Variants in FBXL7 observed in about 807,000 individuals in gnomAD.
FBXL7 encodes the protein F-box/LRR-repeat protein 7.
Under a neutral mutation model 38.3 loss-of-function variants are expected in FBXL7, and 12 were observed. That is an observed-to-expected ratio of 0.31 (90% CI 0.20 to 0.51). The LOEUF (loss-of-function observed/expected upper bound fraction) is 0.51. Among genes scored for constraint, FBXL7 ranks in the 20% least tolerant of loss-of-function variants. The pLI, the probability that FBXL7 is intolerant of heterozygous loss-of-function variation, is 0.98. For missense variants in FBXL7, 567 were observed against 676.4 expected (o/e 0.84, Z 1.79); for synonymous variants, 297 against 300.9 (o/e 0.99, Z 0.13).
chr5:15,568,283 G>C (rs1393072237), intron 1 of FBXL7, among the ~76,000 whole-genome samples: 2 of 152,012 alleles, frequency 1.3e-5, no homozygotes, highest in African/African-American at 2.4e-5. Flanking sequence ...TTTAATGATC[G>C]CCATTCTAAC....
intron 2 of FBXL7, among the ~76,000 whole-genome samples, chr5:15,628,459 A>G (rs1740889463): frequency 6.6e-6 from 1 of 152,164 alleles, no homozygotes; most frequent in African/African-American, 2.4e-5. Flanking sequence ...ATCTTTAGTC[A>G]AGTCTATGAA....
intron 2 of FBXL7, among the ~76,000 whole-genome samples, chr5:15,645,077 ATTTCC>A (rs1741488790): frequency 6.6e-6 from 1 of 152,164 alleles, no homozygotes; most frequent in Non-Finnish European, 1.5e-5. Flanking sequence ...ATCTGGACAC[ATTTCC>A]TTATGTGGAA....
chr5:15,881,664 TTTCTC>T, intron 2 of FBXL7, among the ~76,000 whole-genome samples: 1 of 152,270 alleles, frequency 6.6e-6, no homozygotes, highest in South Asian at 2.1e-4. Flanking sequence ...AGTGTTCCCT[TTTCTC>T]TTACCCACCA....
intron 1 of FBXL7, among the ~76,000 whole-genome samples, chr5:15,599,022 G>A (rs146037240): frequency 2.3e-3 from 350 of 152,278 alleles, no homozygotes; most frequent in African/African-American, 7.8e-3. Flanking sequence ...GAGGTACTCT[G>A]TAGCTGCCAT....
intron 2 of FBXL7, among the ~76,000 whole-genome samples, chr5:15,859,734 T>C (rs914390738): frequency 6.6e-6 from 1 of 152,050 alleles, no homozygotes; most frequent in African/African-American, 2.4e-5. Flanking sequence ...CCACGACATG[T>C]AGGGATTACG....
chr5:15,926,661 C>T (rs1021415142), intron 2 of FBXL7, among the ~76,000 whole-genome samples: 83 of 152,140 alleles, frequency 5.5e-4, no homozygotes, highest in African/African-American at 1.8e-3. Flanking sequence ...TCCTTATCAG[C>T]GATCTTTCTA....
chr5:15,595,204 A>G (rs1223181857), intron 1 of FBXL7, among the ~76,000 whole-genome samples: 1 of 152,210 alleles, frequency 6.6e-6, no homozygotes, highest in Non-Finnish European at 1.5e-5. Context: ...GTCAGTTGTG[A>G]TTATTACTAC....
chr5:15,647,862 C>T (rs1223370918), intron 2 of FBXL7, among the ~76,000 whole-genome samples: 1 of 152,122 alleles, frequency 6.6e-6, no homozygotes, highest in Non-Finnish European at 1.5e-5. Flanking sequence ...AGTACTTTGC[C>T]CAAGCCCATG....
intron 1 of FBXL7, among the ~76,000 whole-genome samples, chr5:15,516,844 A>T (rs758419185): frequency 6.6e-6 from 1 of 151,788 alleles, no homozygotes; most frequent in Non-Finnish European, 1.5e-5. Flanking sequence ...GGAAGGACGC[A>T]TTTGCTTCCC....
chr5:15,555,804 T>C (rs1438461098), intron 1 of FBXL7, among the ~76,000 whole-genome samples: 1 of 151,578 alleles, frequency 6.6e-6, no homozygotes, highest in Non-Finnish European at 1.5e-5. Context: ...GATAGATAGA[T>C]AGATAGATAG....
intron 2 of FBXL7, among the ~76,000 whole-genome samples, chr5:15,791,078 G>A (rs1299785878): frequency 1.4e-5 from 2 of 148,044 alleles, no homozygotes; most frequent in African/African-American, 5.0e-5. Flanking sequence ...AAAAGGGGGG[G>A]GGGGGTTATT....
At chr5:15,729,132 A>G (rs1430240274) in intron 2 of FBXL7, among the ~76,000 whole-genome samples, 1 of 152,174 alleles carries the variant, frequency 6.6e-6, no homozygotes, top group African/African-American at 2.4e-5. Context: ...AACACATGCA[A>G]TTAAGAAATT....
chr5:15,835,977 T>C (rs1192784997), intron 2 of FBXL7, among the ~76,000 whole-genome samples: 1 of 152,164 alleles, frequency 6.6e-6, no homozygotes, highest in Non-Finnish European at 1.5e-5. Context: ...CTGGTCAAAA[T>C]AATTTATTTT....
intron 2 of FBXL7, among the ~76,000 whole-genome samples, chr5:15,874,463 G>A (rs1740114608): frequency 6.6e-6 from 1 of 152,180 alleles, no homozygotes; most frequent in South Asian, 2.1e-4. Flanking sequence ...AATAGGAAGA[G>A]ATGAAGTCAA....
chr5:15,501,097 G>A (rs1311278191), intron 1 of FBXL7, among the ~76,000 whole-genome samples: 1 of 152,134 alleles, frequency 6.6e-6, no homozygotes, highest in African/African-American at 2.4e-5. Context: ...CCGGGCCTTT[G>A]TGCTCCAGCC....
rs969205891 is a variant in FBXL7, at chr5:15,779,916, G to A, written c.128-147974G>A. On this transcript the variant is annotated intron_variant, in intron 2 of 3. Transcript: ENST00000504595. ...TTCAGCAAAGATTTCTGAAATTTCC[G>A]TTTATCACTCTGCTCTCTCCAAACC... Among the ~76,000 whole-genome samples, 12 of 152,250 alleles carry A rather than the reference G, an allele frequency of 7.9e-5. No individual in the cohort carries two copies. In the East Asian group the frequency reaches 1.5e-3, roughly 20 times the overall value.
At chr5:15,589,266 G>T (rs1289775223) in intron 1 of FBXL7, among the ~76,000 whole-genome samples, 2 of 152,126 alleles carry the variant, frequency 1.3e-5, no homozygotes, top group Admixed American at 1.3e-4. Context: ...CAAATCTCAT[G>T]TTGATTTGTA....
chr5:15,826,668 C>G (rs1319537268), intron 2 of FBXL7, among the ~76,000 whole-genome samples: 2 of 152,140 alleles, frequency 1.3e-5, no homozygotes, highest in Non-Finnish European at 2.9e-5. Flanking sequence ...ATCTGCCCAC[C>G]TCAGTCTCCC....
intron 1 of FBXL7, among the ~76,000 whole-genome samples, chr5:15,583,580 G>T (rs1429585314): frequency 6.6e-6 from 1 of 152,200 alleles, no homozygotes; most frequent in Admixed American, 6.5e-5. Context: ...CCAAAATCCA[G>T]CAGGGGAGTC....
Sources: allele counts gnomAD v4.1 joint callset (sites outside exome capture counted in the v4.1 genomes callset), GRCh38; gene constraint gnomAD v4.1.1; transcripts MANE v1.5; gene names NCBI Gene and HGNC (gene_info 2026-07-23, HGNC 2026-07-21).